The following CCAR1 variants were observed in gnomAD, a reference collection of about 807,000 sequenced individuals.
The protein encoded by CCAR1 is cell division cycle and apoptosis regulator protein 1.
Under a neutral mutation model 163.8 loss-of-function variants are expected in CCAR1, and 78 were observed. The ratio of observed to expected loss-of-function variants is 0.48; its 90% CI spans 0.40 to 0.57. The LOEUF (loss-of-function observed/expected upper bound fraction) is 0.57. Ranked by LOEUF, CCAR1 falls within the 20% of genes least tolerant of loss-of-function variation. The probability of loss-of-function intolerance (pLI) is 0.00; values close to 1 mark genes in which losing one functional copy is unlikely to be tolerated. For missense variants in CCAR1, 1,019 were observed against 1,365.2 expected, an observed-to-expected ratio of 0.75 and a Z score of 4.00; for synonymous variants, 443 against 460.7, an observed-to-expected ratio of 0.96 and a Z score of 0.49.
At chr10:68,759,898 G>A (rs1191769128) in intron 15 of CCAR1, among the ~76,000 whole-genome samples, 2 of 152,194 alleles carry the variant, frequency 1.3e-5, no homozygotes, top group Non-Finnish European at 2.9e-5. Flanking sequence ...GCAGTGGTGT[G>A]ATGAGAGTTC....
Position 68,756,655 on chromosome 10 carries a change from TTC to T in CCAR1, c.1836+174_1836+175del, listed in dbSNP as rs1382795193. ...GTTGTATGTTCTTTTCTCTTAAAAT[TTC>T]TGTCTTATTATCCTAACTTTAAGAG... On this transcript the variant is annotated intron_variant, in intron 14 of 24. Coordinates refer to ENST00000265872, the MANE Select transcript of CCAR1 (RefSeq NM_018237.4). The surrounding 1 kb of genome is among the most constrained non-coding windows in gnomAD (Gnocchi z 5.1). 3 of 699,788 alleles carry T rather than the reference TTC, an allele frequency of 4.3e-6. No individual in the cohort carries two copies. The highest frequency in any genetic ancestry group is 2.3e-4 in the Middle Eastern group (1 of 4,290). The allele number at this position is 699,788 out of a possible 1,614,324, so 43.3% of individuals were successfully genotyped here.
At chr10:68,750,838 G>A (rs1185381099) in intron 10 of CCAR1, among the ~76,000 whole-genome samples, 3 of 152,074 alleles carry the variant, frequency 2.0e-5, no homozygotes, top group Admixed American at 6.6e-5. Flanking sequence ...GATAATTACC[G>A]TTCATAATAC....
chr10:68,767,998 G>T (rs755777069), intron 17 of CCAR1, among the ~76,000 whole-genome samples: 42 of 152,022 alleles, frequency 2.8e-4, no homozygotes, highest in Non-Finnish European at 5.9e-4. Context: ...AATTATTACT[G>T]TGTTTAATTA....
In CCAR1 at chr10:68,788,307, C is replaced by T; in HGVS notation, c.3166C>T (p.Gln1056Ter). The change falls in exon 23 of 25, where the codon CAG becomes TAG. Residue 1056 changes from glutamine to a stop codon, truncating the protein, a stop_gained. Transcript: ENST00000265872. LOFTEE classifies it high-confidence loss of function. ...AAGAGCTGAGGTAGAACAGAAGCTG[C>T]AGTTACTAGAAGAAAAAACAGGTAA... ...KVRAEVEQKL[Q>*]LLEEKTDEDE... The T allele has an allele frequency of 6.4e-7, 1 of 1,566,598 alleles. No homozygotes were observed. Among genetic ancestry groups the T allele is most frequent in the Non-Finnish European group, 8.6e-7 (1 of 1,165,296 alleles).
chr10:68,753,927 A>G lies in CCAR1; in HGVS notation c.1194A>G (p.Gln398=), dbSNP rs5030887. 0.022 allele frequency: 35,549 copies of G among 1,613,892 alleles called. 2,982 individuals carry two copies. In the African/African-American group the frequency reaches 0.26, roughly 12 times the overall value. ...TACCTAGTGACTTTTTTGATGCTCAATTTACATGGGTGGATGCTTTCCCTT... is the reference window on the plus strand; with the variant it reads ...TACCTAGTGACTTTTTTGATGCTCAGTTTACATGGGTGGATGCTTTCCCTT... The part of the protein sequence containing the change: ...LYIPSDFFDA[Q]FTWVDAFPLS... Residue 398 remains glutamine (Q), a synonymous_variant, in exon 11 of 25, where the codon CAA becomes CAG. Transcript: ENST00000265872.
At chr10:68,727,635 A>G (rs1349777971) in intron 2 of CCAR1, among the ~76,000 whole-genome samples, 1 of 151,734 alleles carries the variant, frequency 6.6e-6, no homozygotes, top group African/African-American at 2.4e-5. Flanking sequence ...TATTTACCGT[A>G]TTTTTCCATA....
intron 6 of CCAR1, 26 bp downstream of exon 6, chr10:68,742,595 T>C (rs2056196748): frequency 1.3e-6 from 2 of 1,559,160 alleles, no homozygotes; most frequent in Non-Finnish European, 1.8e-6. Context: ...TCTTGTCACA[T>C]GGCTTCTTGC....
Position 68,771,305 on chromosome 10 carries a change from AAAG to A in CCAR1, c.2401_2403del (p.Glu801del), listed in dbSNP as rs1328423137. ...GTCTCTTCCTGAGAAAGAGGACAAA[AAAG>A]AAAAGGATAAAAAAAGCAAAAAAGA... On this transcript the variant is annotated inframe_deletion, in exon 18 of 25. Transcript: ENST00000265872. The A allele has an allele frequency of 6.2e-7, 1 of 1,609,060 alleles. No homozygotes were observed. The highest frequency in any genetic ancestry group is 8.5e-7 in the Non-Finnish European group (1 of 1,177,260).
At chr10:68,721,550 A>C (rs1424517870) in intron 1 of CCAR1, 4 of 448,424 alleles carry the variant, frequency 8.9e-6, no homozygotes, top group South Asian at 1.6e-5. Context: ...GCGACGCTGC[A>C]GTCCGCCGCC....
At chr10:68,790,424 T>A (rs1428537882) in intron 24 of CCAR1, among the ~76,000 whole-genome samples, 4 of 152,162 alleles carry the variant, frequency 2.6e-5, no homozygotes, top group African/African-American at 7.2e-5. Context: ...GTCAACATGA[T>A]TTAAGTATAC....
chr10:68,731,505 A>G (rs1003167228), intron 2 of CCAR1, among the ~76,000 whole-genome samples: 4 of 152,238 alleles, frequency 2.6e-5, no homozygotes, highest in South Asian at 4.1e-4. Flanking sequence ...GTGTGAAGCA[A>G]CTACTCTACT....
chr10:68,766,362 C>G (rs1208367446), intron 17 of CCAR1, among the ~76,000 whole-genome samples: 1 of 151,502 alleles, frequency 6.6e-6, no homozygotes, highest in Admixed American at 6.6e-5. Flanking sequence ...GCCACCACAC[C>G]CAGCTAATTT....
chr10:68,727,282 G>C (rs1044310339), intron 2 of CCAR1, among the ~76,000 whole-genome samples: 8 of 151,744 alleles, frequency 5.3e-5, no homozygotes, highest in Non-Finnish European at 1.2e-4. Context: ...TTGCCATCTT[G>C]CCCAGGCTGG....
intron 12 of CCAR1, chr10:68,755,147 A>G (rs1286159434): frequency 1.4e-6 from 1 of 730,224 alleles, no homozygotes; most frequent in Non-Finnish European, 2.5e-6. Context: ...AAAGAACTCT[A>G]TCTGAAGAAA....
chr10:68,721,443 G>A, intron 1 of CCAR1, 161 bp downstream of exon 1: 1 of 311,990 alleles, frequency 3.2e-6, no homozygotes, highest in Non-Finnish European at 6.3e-6. Context: ...GAGGGACGCG[G>A]TCCCTTTTGT....
At chr10:68,746,893 A>T (rs2056263674) in intron 6 of CCAR1, among the ~76,000 whole-genome samples, 1 of 151,150 alleles carries the variant, frequency 6.6e-6, no homozygotes, top group South Asian at 2.1e-4. Flanking sequence ...TACTTTTTTT[A>T]TTATTATTAT....
chr10:68,723,339 C>T (rs1305385745), intron 2 of CCAR1, among the ~76,000 whole-genome samples: 2 of 149,714 alleles, frequency 1.3e-5, no homozygotes, highest in African/African-American at 4.9e-5. Context: ...CCGTCTTAGC[C>T]AGGATGGTCT....
At chr10:68,780,994 G>A (rs2056728322) in intron 19 of CCAR1, among the ~76,000 whole-genome samples, 1 of 152,186 alleles carries the variant, frequency 6.6e-6, no homozygotes, top group African/African-American at 2.4e-5. Flanking sequence ...CACTTTGGGA[G>A]GCTGAGGCGG....
intron 20 of CCAR1, 104 bp from the exon 21 acceptor site, chr10:68,786,442 T>G: frequency 1.2e-6 from 1 of 820,954 alleles, no homozygotes; most frequent in Non-Finnish European, 1.9e-6. Flanking sequence ...GGCAAATATC[T>G]TATTAGATTA....
Sources: allele counts gnomAD v4.1 joint callset (sites outside exome capture counted in the v4.1 genomes callset), GRCh38; gene constraint gnomAD v4.1.1; non-coding constraint Gnocchi (gnomAD v3.1); transcripts MANE v1.5; gene names NCBI Gene and HGNC (gene_info 2026-07-23, HGNC 2026-07-21).